Variants in TYR observed in about 807,000 individuals in gnomAD.
TYR encodes the protein tyrosinase.
In TYR, 58 loss-of-function variants were observed where a neutral mutation model predicts 51.5. That is an observed-to-expected ratio of 1.13 (90% CI 0.91 to 1.40). The LOEUF is 1.40. TYR is among the 40% of genes most tolerant of loss of function. The probability of loss-of-function intolerance (pLI) is 0.00; values close to 1 mark genes in which losing one functional copy is unlikely to be tolerated. For missense variants in TYR, 732 were observed against 647.4 expected, an observed-to-expected ratio of 1.13 and a Z score of -1.42; for synonymous variants, 263 against 235.2, an observed-to-expected ratio of 1.12 and a Z score of -1.08.
intron 1 of TYR, among the ~76,000 whole-genome samples, chr11:89,184,971 T>A (rs902594529): frequency 6.6e-6 from 1 of 152,186 alleles, no homozygotes; most frequent in Non-Finnish European, 1.5e-5. Flanking sequence ...CATTTGTTTA[T>A]ACATGCTTAT....
At position 89,295,404 on chromosome 11, in the gene TYR, C is replaced by G; in HGVS notation, c.*38C>G. ...ATAGAGTAGGGCCAAAAAGCCTGAC[C>G]TCACTCTAACTCAAAGTAATGTCCA... On this transcript the variant is annotated 3_prime_UTR_variant, in exon 5 of 5. Transcript: ENST00000263321. 6.5e-7 allele frequency: 1 copy of G among 1,530,372 alleles called. No homozygotes were observed. Among genetic ancestry groups the G allele is most frequent in the Non-Finnish European group, 9.0e-7 (1 of 1,116,436 alleles). The allele number at this position is 1,530,372 out of a possible 1,614,324, so 94.8% of individuals were successfully genotyped here.
chr11:89,259,659 C>T (rs1278399992), intron 3 of TYR, among the ~76,000 whole-genome samples: 5 of 151,994 alleles, frequency 3.3e-5, no homozygotes, highest in African/African-American at 9.7e-5. Context: ...CCCCTGGATC[C>T]CCTTTCAGAG....
At chr11:89,262,987 A>ACATTT (rs1302408123) in intron 3 of TYR, among the ~76,000 whole-genome samples, 2 of 151,790 alleles carry the variant, frequency 1.3e-5, no homozygotes, top group Non-Finnish European at 2.9e-5. Flanking sequence ...GTAGGAGGGA[A>ACATTT]CATTTCCTGA....
intron 2 of TYR, among the ~76,000 whole-genome samples, chr11:89,212,017 C>T (rs55704848): frequency 6.6e-6 from 1 of 152,052 alleles, no homozygotes; most frequent in Admixed American, 6.5e-5. Context: ...AATTGACACC[C>T]TGACATCACA....
intron 3 of TYR, 42 bp downstream of exon 3, chr11:89,228,012 TA>T: frequency 6.2e-7 from 1 of 1,604,474 alleles, no homozygotes. Flanking sequence ...TCATTGGATT[TA>T]AATAGAGGGT....
At chr11:89,270,570 C>T (rs1944577492) in intron 3 of TYR, among the ~76,000 whole-genome samples, 1 of 151,854 alleles carries the variant, frequency 6.6e-6, no homozygotes. Flanking sequence ...ATGAATGGTA[C>T]AATCTACCAA....
At chr11:89,260,250 CAAA>C (rs778745472) in intron 3 of TYR, among the ~76,000 whole-genome samples, 1 of 91,044 alleles carries the variant, frequency 1.1e-5, no homozygotes, top group African/African-American at 3.9e-5. Flanking sequence ...GAATAAAATG[CAAA>C]AAAAAAAAAA....
Position 89,178,414 on chromosome 11 carries a change from G to A in TYR, c.461G>A (p.Gly154Glu), listed in dbSNP as rs200471520. Residue 154 changes from glycine to glutamate, a missense_variant, in exon 1 of 5, where the codon GGG (glycine) becomes GAG (glutamate). Gly to Glu is a moderately conservative substitution (Grantham distance 98). Transcript: ENST00000263321. ...AGCTCAGACTATGTCATCCCCATAGGGACCTATGGCCAAATGAAAAATGGA... is the reference window on the plus strand; with the variant it reads ...AGCTCAGACTATGTCATCCCCATAGAGACCTATGGCCAAATGAAAAATGGA... ...TISSDYVIPI[G>E]TYGQMKNGST... 1.9e-5 allele frequency: 30 copies of A among 1,613,930 alleles called. No individual in the cohort carries two copies. The highest frequency in any genetic ancestry group is 2.3e-5 in the Non-Finnish European group (27 of 1,180,004).
intron 3 of TYR, among the ~76,000 whole-genome samples, chr11:89,274,274 C>T (rs1944624786): frequency 6.6e-6 from 1 of 151,826 alleles, no homozygotes; most frequent in African/African-American, 2.4e-5. Flanking sequence ...TTTAGGACAA[C>T]TCTTTTATTT....
intron 4 of TYR, among the ~76,000 whole-genome samples, chr11:89,290,679 G>A (rs1379292320): frequency 6.6e-6 from 1 of 151,966 alleles, no homozygotes; most frequent in Non-Finnish European, 1.5e-5. Flanking sequence ...AAAGGAAAAG[G>A]TAAATGGTTA....
intron 3 of TYR, among the ~76,000 whole-genome samples, chr11:89,266,343 T>C (rs1483014267): frequency 3.9e-5 from 6 of 152,000 alleles, no homozygotes; most frequent in Admixed American, 6.6e-5. Flanking sequence ...TTTGAGTTCA[T>C]AGATAATTCA....
chr11:89,281,096 G>A (rs769176749), intron 3 of TYR, among the ~76,000 whole-genome samples: 4 of 151,720 alleles, frequency 2.6e-5, no homozygotes, highest in Non-Finnish European at 5.9e-5. Flanking sequence ...CCAGTGCATT[G>A]GGGCTTCACA....
chr11:89,226,175 T>G (rs1943973640), intron 2 of TYR, among the ~76,000 whole-genome samples: 2 of 152,106 alleles, frequency 1.3e-5, no homozygotes. Context: ...AGTGACATGA[T>G]TTATTGCTAC....
chr11:89,289,372 T>C (rs1485553062), intron 4 of TYR, among the ~76,000 whole-genome samples: 1 of 152,046 alleles, frequency 6.6e-6, no homozygotes, highest in Non-Finnish European at 1.5e-5. Flanking sequence ...TGCATGCTGT[T>C]CTTTTCTGCC....
intron 3 of TYR, among the ~76,000 whole-genome samples, chr11:89,274,870 C>T (rs749985117): frequency 6.6e-6 from 1 of 151,712 alleles, no homozygotes; most frequent in Non-Finnish European, 1.5e-5. Context: ...ACTTTCACTG[C>T]CTGTTGTCAA....
intron 1 of TYR, among the ~76,000 whole-genome samples, chr11:89,182,836 T>A (rs1943319588): frequency 6.6e-6 from 1 of 150,624 alleles, no homozygotes; most frequent in South Asian, 2.1e-4. Context: ...AAAAGGGGTA[T>A]CAGGAATAGG....
intron 3 of TYR, among the ~76,000 whole-genome samples, chr11:89,228,321 T>A (rs1419411858): frequency 6.6e-6 from 1 of 152,176 alleles, no homozygotes; most frequent in Admixed American, 6.6e-5. Context: ...TGAGTCTTTG[T>A]ACTTCCATGC....
At chr11:89,230,466 C>A (rs758310041) in intron 3 of TYR, among the ~76,000 whole-genome samples, 7 of 152,032 alleles carry the variant, frequency 4.6e-5, no homozygotes, top group Non-Finnish European at 8.8e-5. Context: ...AGACTTTGGT[C>A]TGGGCAATGA....
intron 3 of TYR, among the ~76,000 whole-genome samples, chr11:89,273,678 T>A (rs957599718): frequency 2.0e-5 from 3 of 151,908 alleles, no homozygotes; most frequent in African/African-American, 7.2e-5. Flanking sequence ...AATATCCACA[T>A]AAAGCAATAA....
Sources: gnomAD v4.1 joint callset for allele counts (sites outside exome capture counted in the v4.1 genomes callset) on GRCh38, gnomAD v4.1.1 for gene constraint, MANE v1.5 for transcripts, NCBI Gene and HGNC (gene_info 2026-07-23, HGNC 2026-07-21) for gene names.